The following EIF4B variants were observed in gnomAD, a reference collection of about 807,000 sequenced individuals.
EIF4B encodes eukaryotic translation initiation factor 4B.
EIF4B carries 8 observed loss-of-function variants against 79.3 expected under a neutral mutation model. The ratio of observed to expected loss-of-function variants is 0.10; its 90% CI spans 0.06 to 0.18. EIF4B has a LOEUF of 0.18. EIF4B is among the 10% of genes least tolerant of loss of function. The pLI, the probability that EIF4B is intolerant of heterozygous loss-of-function variation, is 1.00. For synonymous variants in EIF4B, 238 were observed against 274.7 expected (o/e 0.87, Z 1.32); for missense variants, 515 against 792.4 (o/e 0.65, Z 4.20).
intron 8 of EIF4B, among the ~76,000 whole-genome samples, chr12:53,033,520 T>C (rs888380753): frequency 6.6e-6 from 1 of 151,256 alleles, no homozygotes; most frequent in Non-Finnish European, 1.5e-5. Flanking sequence ...TTTTTGTATT[T>C]TTAGTAGAGA....
intron 6 of EIF4B, among the ~76,000 whole-genome samples, chr12:53,026,745 G>T (rs1943341000): frequency 6.6e-6 from 1 of 152,070 alleles, no homozygotes; most frequent in Admixed American, 6.6e-5. Context: ...GGGACCACAG[G>T]CCTGCACCAC....
rs1215291665 is a variant in EIF4B, at chr12:53,039,262, A to G, written c.1601A>G (p.Asn534Ser). 10 of 1,609,902 alleles carry G rather than the reference A, an allele frequency of 6.2e-6. No homozygotes were observed. Among genetic ancestry groups the G allele is most frequent in the Non-Finnish European group, 5.1e-6 (6 of 1,177,650 alleles). ...RKDENKVDGM[N>S]APKGQTGNSS... Reference sequence around the variant, plus strand: ...GATGAAAATAAAGTAGATGGGATGAATGCCCCAAAAGGCCAAACTGGGAAC... The same window carrying G: ...GATGAAAATAAAGTAGATGGGATGAGTGCCCCAAAAGGCCAAACTGGGAAC... The change falls in exon 13 of 15, where the codon AAT becomes AGT. Residue 534 changes from asparagine (N) to serine (S), a missense_variant. Coordinates refer to ENST00000262056, the MANE Select transcript of EIF4B (RefSeq NM_001417.7).
At chr12:53,009,604 A>G (rs936841733) in intron 1 of EIF4B, among the ~76,000 whole-genome samples, 2 of 152,118 alleles carry the variant, frequency 1.3e-5, no homozygotes, top group Non-Finnish European at 2.9e-5. Context: ...GTGACATCTT[A>G]TTTGATTATT....
chr12:53,040,047 T>C, intron 14 of EIF4B, 96 bp from the exon 15 acceptor site: 1 of 1,388,248 alleles, frequency 7.2e-7, no homozygotes, highest in Non-Finnish European at 1.0e-6. Flanking sequence ...CATCTGACTG[T>C]CATCCCCCAT....
At chr12:53,013,374 T>C (rs1473656762) in intron 1 of EIF4B, among the ~76,000 whole-genome samples, 2 of 152,332 alleles carry the variant, frequency 1.3e-5, no homozygotes, top group African/African-American at 4.8e-5. Flanking sequence ...TAGCATCATA[T>C]TAATCCCAGA....
chr12:53,020,232 T>C lies in EIF4B; in HGVS notation c.477+206T>C, dbSNP rs992681895. Among the ~76,000 whole-genome samples, 19 of 152,334 alleles carry C rather than the reference T, an allele frequency of 1.2e-4. 1 individual carries two copies. Among genetic ancestry groups the C allele is most frequent in the African/African-American group, 4.6e-4 (19 of 41,574 alleles). Reference sequence around the variant, plus strand: ...GCAAATTCAGTAGGCCCCAATAATTTAGATAGGTACTTAGGTGGAAAGTTG... The same window carrying C: ...GCAAATTCAGTAGGCCCCAATAATTCAGATAGGTACTTAGGTGGAAAGTTG... On this transcript the variant is annotated intron_variant, in intron 4 of 14. Transcript: ENST00000262056.
In EIF4B at chr12:53,037,852, A is replaced by C; in HGVS notation, c.1520+230A>C. Reference sequence around the variant, plus strand: ...GCTATGATGGGAGTACTAATGCCGCACAAATCTGCAAATACTGTAAGTCAG... The same window carrying C: ...GCTATGATGGGAGTACTAATGCCGCCCAAATCTGCAAATACTGTAAGTCAG... On this transcript the variant is annotated intron_variant, in intron 11 of 14. Coordinates refer to ENST00000262056, the MANE Select transcript of EIF4B (RefSeq NM_001417.7). 5.3e-6 allele frequency: 3 copies of C among 565,162 alleles called. No individual in the cohort carries two copies. In the East Asian group the frequency reaches 9.3e-5, roughly 17 times the overall value. The allele number at this position is 565,162 out of a possible 1,614,324, so 35.0% of individuals were successfully genotyped here.
In EIF4B at chr12:53,010,754, C is replaced by T. The variant is rs192924661; in HGVS notation, c.13+4258C>T. On this transcript the variant is annotated intron_variant, in intron 1 of 14. Transcript: ENST00000262056. ...CTCCACCTCCTGGGTTCAAGCGGTT[C>T]TAGAGATGGAGTTTCACCATGTTGG... Among the ~76,000 whole-genome samples, 287 of 152,074 alleles carry T rather than the reference C, an allele frequency of 1.9e-3. 1 individual carries two copies. Among genetic ancestry groups the T allele is most frequent in the African/African-American group, 6.7e-3 (280 of 41,502 alleles).
chr12:53,034,278 A>C (rs535254086), intron 9 of EIF4B, among the ~76,000 whole-genome samples: 1 of 152,322 alleles, frequency 6.6e-6, no homozygotes, highest in South Asian at 2.1e-4. Flanking sequence ...TATTGTATCT[A>C]AAAGGCTAGA....
At chr12:53,012,867 A>G (rs1416834386) in intron 1 of EIF4B, among the ~76,000 whole-genome samples, 2 of 152,054 alleles carry the variant, frequency 1.3e-5, no homozygotes, top group Non-Finnish European at 2.9e-5. Flanking sequence ...CGGCCTCCCA[A>G]AGTGCTGGGA....
At position 53,006,944 on chromosome 12, in the gene EIF4B, A is replaced by T. The variant is rs537249654; in HGVS notation, c.13+448A>T. On this transcript the variant is annotated intron_variant, in intron 1 of 14. Transcript: ENST00000262056. The stretch of plus-strand genomic sequence containing the variant: ...GGACCGGAGTGGGGGGTAGGGGAGT[A>T]AGTGTGGTGGGGGGGAGCAGTTGGA... Among the ~76,000 whole-genome samples the T allele has an allele frequency of 6.2e-3, 687 of 110,156 alleles. 4 individuals carry two copies. Among genetic ancestry groups the T allele is most frequent in the African/African-American group, 0.022 (647 of 28,830 alleles). 72.3% of individuals were successfully genotyped at this position (110,156 alleles called of 152,430 possible).
At chr12:53,038,900 G>C in intron 12 of EIF4B, 1 of 215,184 alleles carries the variant, frequency 4.6e-6, no homozygotes, top group Non-Finnish European at 9.2e-6. Flanking sequence ...ATGAAACCCT[G>C]CCCTTTCCTG....
intron 2 of EIF4B, 102 bp downstream of exon 2, chr12:53,016,712 C>G: frequency 7.7e-6 from 11 of 1,421,960 alleles, no homozygotes; most frequent in Non-Finnish European, 1.0e-5. Flanking sequence ...AGAACTTACT[C>G]ATTTTTTAGC....
At chr12:53,038,645 C>G (rs1057236128) in intron 12 of EIF4B, 8 of 212,074 alleles carry the variant, frequency 3.8e-5, no homozygotes, top group East Asian at 3.0e-4. Context: ...AACCCCGTCT[C>G]TATTAAAAAT....
chr12:53,008,889 G>A (rs1943014297), intron 1 of EIF4B, among the ~76,000 whole-genome samples: 1 of 152,054 alleles, frequency 6.6e-6, no homozygotes, highest in African/African-American at 2.4e-5. Flanking sequence ...ACAAAAATTA[G>A]CTGGGCGTGG....
At position 53,040,638 on chromosome 12, in the gene EIF4B, G is replaced by C. The variant is rs1943618232; in HGVS notation, c.*415G>C. The C allele has an allele frequency of 6.4e-6, 1 of 156,132 alleles. No homozygotes were observed. Among genetic ancestry groups the C allele is most frequent in the African/African-American group, 2.4e-5 (1 of 41,482 alleles). 9.7% of individuals were successfully genotyped at this position (156,132 alleles called of 1,614,324 possible). ...TCTACCTTTTAGTTTTTATCCTATTGTGGCATATATGAATTCTCAAACATT... is the reference window on the plus strand; with the variant it reads ...TCTACCTTTTAGTTTTTATCCTATTCTGGCATATATGAATTCTCAAACATT... On this transcript the variant is annotated 3_prime_UTR_variant, in exon 15 of 15. Coordinates refer to ENST00000262056, the MANE Select transcript of EIF4B (RefSeq NM_001417.7).
chr12:53,013,062 A>C (rs1239823787), intron 1 of EIF4B, among the ~76,000 whole-genome samples: 2 of 152,310 alleles, frequency 1.3e-5, no homozygotes, highest in African/African-American at 4.8e-5. Flanking sequence ...TAAAGAAGAA[A>C]CTTGTTTGTC....
chr12:53,027,952 G>A (rs1210827450), intron 7 of EIF4B, 33 bp downstream of exon 7: 1 of 1,557,778 alleles, frequency 6.4e-7, no homozygotes, highest in East Asian at 2.3e-5. Context: ...TGCTCTTTCA[G>A]TAACTTTGCC....
At chr12:53,033,708 A>C (rs899045708) in intron 8 of EIF4B, 98 bp from the exon 9 acceptor site, 2 of 1,306,850 alleles carry the variant, frequency 1.5e-6, no homozygotes, top group Non-Finnish European at 2.1e-6. Flanking sequence ...CTTGAATCTC[A>C]TGTAGCATTT....
Sources: gnomAD v4.1 joint callset for allele counts (sites outside exome capture counted in the v4.1 genomes callset) on GRCh38, gnomAD v4.1.1 for gene constraint, MANE v1.5 for transcripts, NCBI Gene and HGNC (gene_info 2026-07-23, HGNC 2026-07-21) for gene names.